The following MGAT5 variants were observed in gnomAD, a reference collection of about 807,000 sequenced individuals.
MGAT5 encodes the protein alpha-1,6-mannosylglycoprotein 6-beta-N-acetylglucosaminyltransferase, also known as alpha-1,6-mannosylglycoprotein 6-beta-N-acetylglucosaminyltransferase A.
MGAT5 carries 30 observed loss-of-function variants against 94.3 expected under a neutral mutation model. That is an observed-to-expected ratio of 0.32 (90% CI 0.24 to 0.43). The LOEUF (loss-of-function observed/expected upper bound fraction) is 0.43. Ranked by LOEUF, MGAT5 falls within the 20% of genes least tolerant of loss-of-function variation. The pLI, the probability that MGAT5 is intolerant of heterozygous loss-of-function variation, is 1.00. For synonymous variants in MGAT5, 310 were observed against 322.9 expected (o/e 0.96, Z 0.43); for missense variants, 691 against 905.5 (o/e 0.76, Z 3.04).
In MGAT5 at chr2:134,181,570, T is replaced by G. The variant is rs567778957; in HGVS notation, c.-143+61279T>G. ...TGTTTTTTTCTTTTCTTTTTTTTTATTACAATGCATGTGCAGTTCTAAGCT... is the reference window on the plus strand; with the variant it reads ...TGTTTTTTTCTTTTCTTTTTTTTTAGTACAATGCATGTGCAGTTCTAAGCT... On this transcript the variant is annotated intron_variant, in intron 1 of 16. Transcript: ENST00000409645. 7.5e-4 allele frequency among the ~76,000 whole-genome samples: 114 copies of G among 152,320 alleles called. 1 individual carries two copies. Among genetic ancestry groups the G allele is most frequent in the Middle Eastern group, 6.8e-3 (2 of 294 alleles).
At chr2:134,152,137 C>A (rs368227852) in intron 1 of MGAT5, among the ~76,000 whole-genome samples, 1 of 140,838 alleles carries the variant, frequency 7.1e-6, no homozygotes, top group Non-Finnish European at 1.5e-5. Context: ...CACTCATCCC[C>A]TCTGGGACCC....
At position 134,450,818 on chromosome 2, in the gene MGAT5, GTGTGTGTGTGTGTA is replaced by G. The variant is rs1686064330; in HGVS notation, c.*1974_*1987del. 7.2e-6 allele frequency: 1 copy of G among 138,900 alleles called. No homozygotes were observed. Among genetic ancestry groups the G allele is most frequent in the Non-Finnish European group, 1.5e-5 (1 of 67,306 alleles). 8.6% of individuals were successfully genotyped at this position (138,900 alleles called of 1,614,324 possible). On this transcript the variant is annotated 3_prime_UTR_variant, in exon 16 of 16. Transcript: ENST00000281923. Reference sequence around the variant, plus strand: ...TGTGTGTGTGTGTGTGTGTGTGTGTGTGTGTGTGTGTGTATGAGCCTGTGCATTTCTTTTAAGCA... The same window carrying G: ...TGTGTGTGTGTGTGTGTGTGTGTGTGTGAGCCTGTGCATTTCTTTTAAGCA...
intron 1 of MGAT5, among the ~76,000 whole-genome samples, chr2:134,261,929 T>C (rs1683363408): frequency 6.6e-6 from 1 of 152,224 alleles, no homozygotes; most frequent in African/African-American, 2.4e-5. Context: ...AAATTCCCTA[T>C]GGGCTCTGCA....
intron 13 of MGAT5, among the ~76,000 whole-genome samples, chr2:134,423,440 C>G (rs1329313593): frequency 6.6e-6 from 1 of 152,160 alleles, no homozygotes; most frequent in Non-Finnish European, 1.5e-5. Flanking sequence ...CTCTGAGTCA[C>G]CTGGGGTTGT....
In MGAT5 at chr2:134,349,870, A is replaced by T. The variant is rs1422870249; in HGVS notation, c.1178A>T (p.Gln393Leu). The part of the protein sequence containing the change: ...EPEFNHANYA[Q>L]SKGHKTPWGK... Reference sequence around the variant, plus strand: ...GAATTTAATCATGCAAATTATGCCCAATCGAAAGGCCACAAGACCCCTTGG... The same window carrying T: ...GAATTTAATCATGCAAATTATGCCCTATCGAAAGGCCACAAGACCCCTTGG... Residue 393 changes from glutamine to leucine, a missense_variant, in exon 9 of 16, where the codon CAA becomes CTA. Transcript: ENST00000281923. 1.2e-6 allele frequency: 2 copies of T among 1,613,694 alleles called. No homozygotes were observed. Among genetic ancestry groups the T allele is most frequent in the Non-Finnish European group, 1.7e-6 (2 of 1,179,718 alleles).
chr2:134,278,911 C>T (rs1666444488), intron 2 of MGAT5, among the ~76,000 whole-genome samples: 1 of 152,212 alleles, frequency 6.6e-6, no homozygotes, highest in South Asian at 2.1e-4. Context: ...ATGCCCCTCA[C>T]ATCCCAGAGG....
At chr2:134,317,221 T>C (rs1287537201) in intron 2 of MGAT5, among the ~76,000 whole-genome samples, 4 of 152,162 alleles carry the variant, frequency 2.6e-5, no homozygotes, top group Admixed American at 6.5e-5. Flanking sequence ...CCTGCTTGTT[T>C]GGTTTCTTAG....
chr2:134,305,634 T>C (rs889730542), intron 2 of MGAT5, among the ~76,000 whole-genome samples: 5 of 152,184 alleles, frequency 3.3e-5, no homozygotes, highest in Non-Finnish European at 7.3e-5. Flanking sequence ...GGCAGAAATC[T>C]ATGAACTGTG....
chr2:134,438,617 G>C (rs1208243506), intron 14 of MGAT5, among the ~76,000 whole-genome samples: 3 of 152,200 alleles, frequency 2.0e-5, no homozygotes, highest in African/African-American at 7.2e-5. Flanking sequence ...GGTCTGTACA[G>C]TCATGCTGTC....
At chr2:134,356,844 A>T (rs1012582437) in intron 9 of MGAT5, among the ~76,000 whole-genome samples, 2 of 152,054 alleles carry the variant, frequency 1.3e-5, no homozygotes, top group African/African-American at 4.8e-5. Context: ...CTCCTCCTTC[A>T]GGTTTTTAAT....
chr2:134,300,351 G>T (rs1685941078), intron 2 of MGAT5, among the ~76,000 whole-genome samples: 1 of 152,154 alleles, frequency 6.6e-6, no homozygotes, highest in South Asian at 2.1e-4. Flanking sequence ...CTACAGACAG[G>T]ATTAGGAATG....
At chr2:134,414,143 T>TTG (rs563134008) in intron 12 of MGAT5, among the ~76,000 whole-genome samples, 23 of 146,118 alleles carry the variant, frequency 1.6e-4, no homozygotes, top group South Asian at 2.2e-4. Context: ...GTGCACACAC[T>TTG]TGTGTGTGTG....
chr2:134,448,594 A>G, intron 15 of MGAT5, 55 bp from the exon 16 acceptor site: 1 of 1,546,088 alleles, frequency 6.5e-7, no homozygotes, highest in Non-Finnish European at 8.9e-7. Context: ...GCCAGTGACG[A>G]GGAAAGGCTC....
intron 1 of MGAT5, among the ~76,000 whole-genome samples, chr2:134,170,091 G>A (rs139359444): frequency 7.8e-4 from 118 of 152,220 alleles, no homozygotes; most frequent in Middle Eastern, 3.4e-3. Context: ...AAGATTAAAA[G>A]CACTGAAACT....
At chr2:134,321,373 G>A (rs1178884165) in intron 4 of MGAT5, among the ~76,000 whole-genome samples, 3 of 152,164 alleles carry the variant, frequency 2.0e-5, no homozygotes, top group Non-Finnish European at 4.4e-5. Flanking sequence ...TGAGGCAGAG[G>A]ATTTTACATT....
At chr2:134,432,625 A>G (rs1007962060) in intron 14 of MGAT5, among the ~76,000 whole-genome samples, 9 of 152,218 alleles carry the variant, frequency 5.9e-5, no homozygotes, top group Non-Finnish European at 1.3e-4. Context: ...CTGCACCCAG[A>G]GAGACTAGGC....
chr2:134,164,368 T>C (rs1687869104), intron 1 of MGAT5, among the ~76,000 whole-genome samples: 1 of 152,178 alleles, frequency 6.6e-6, no homozygotes, highest in Non-Finnish European at 1.5e-5. Flanking sequence ...TTCCTAGCAT[T>C]GTCCTCTTTA....
intron 1 of MGAT5, among the ~76,000 whole-genome samples, chr2:134,153,565 C>T (rs1463693651): frequency 1.3e-5 from 2 of 152,122 alleles, no homozygotes; most frequent in African/African-American, 4.8e-5. Flanking sequence ...ACTCGATGGT[C>T]TCCCTGAAGA....
chr2:134,365,646 T>C (rs772395633), intron 10 of MGAT5, among the ~76,000 whole-genome samples: 2 of 152,064 alleles, frequency 1.3e-5, no homozygotes, highest in Non-Finnish European at 2.9e-5. Context: ...GAGGGCCTGA[T>C]AGAGTGGAAG....
Sources: gnomAD v4.1 joint callset for allele counts (sites outside exome capture counted in the v4.1 genomes callset) on GRCh38, gnomAD v4.1.1 for gene constraint, MANE v1.5 for transcripts, NCBI Gene and HGNC (gene_info 2026-07-23, HGNC 2026-07-21) for gene names.